The following MAP4 variants were observed in gnomAD, a reference collection of about 807,000 sequenced individuals.
The protein encoded by MAP4 is microtubule-associated protein 4.
Under a neutral mutation model 170.2 loss-of-function variants are expected in MAP4, and 76 were observed. The ratio of observed to expected loss-of-function variants is 0.45; its 90% CI spans 0.37 to 0.54. The LOEUF is 0.54. Among genes scored for constraint, MAP4 ranks in the 20% least tolerant of loss-of-function variants. The pLI, the probability that MAP4 is intolerant of heterozygous loss-of-function variation, is 0.00. For synonymous variants in MAP4, 909 were observed against 994.5 expected (o/e 0.91, Z 1.62); for missense variants, 2,506 against 2,748.0 (o/e 0.91, Z 1.97).
chr3:48,032,860 T>C (rs1198380942), intron 1 of MAP4, among the ~76,000 whole-genome samples: 1 of 152,152 alleles, frequency 6.6e-6, no homozygotes, highest in Admixed American at 6.6e-5. Flanking sequence ...TCGTTAAAGC[T>C]TCAAATCTTA....
chr3:48,047,884 A>G (rs943692423), intron 1 of MAP4, among the ~76,000 whole-genome samples: 4 of 152,222 alleles, frequency 2.6e-5, no homozygotes, highest in African/African-American at 9.6e-5. Flanking sequence ...TTGGTATTTG[A>G]AAAAATGCTG....
intron 10 of MAP4, chr3:47,892,696 A>G (rs1273468410): frequency 7.3e-7 from 1 of 1,372,916 alleles, no homozygotes; most frequent in Non-Finnish European, 9.4e-7. Context: ...AGAATGAATG[A>G]AAGCGAAAGA....
At chr3:48,051,103 C>G (rs576976366) in intron 1 of MAP4, among the ~76,000 whole-genome samples, 5 of 132,906 alleles carry the variant, frequency 3.8e-5, no homozygotes, top group Non-Finnish European at 9.0e-5. Flanking sequence ...CACACACACA[C>G]ACACACACAC....
intron 3 of MAP4, chr3:47,973,217 T>A (rs2100079821): frequency 1.0e-6 from 1 of 981,952 alleles, no homozygotes. Flanking sequence ...TATAAAAACA[T>A]TATTTAAAAA....
At chr3:47,990,999 T>C (rs1197562068) in intron 2 of MAP4, among the ~76,000 whole-genome samples, 2 of 152,128 alleles carry the variant, frequency 1.3e-5, no homozygotes, top group Non-Finnish European at 2.9e-5. Context: ...ACACAGGCAA[T>C]GCTAAGATAA....
At chr3:48,009,693 T>C (rs1241954738) in intron 1 of MAP4, among the ~76,000 whole-genome samples, 1 of 152,072 alleles carries the variant, frequency 6.6e-6, no homozygotes, top group Non-Finnish European at 1.5e-5. Context: ...GTACTGTTTC[T>C]CCCATAGCCA....
chr3:47,911,336 T>C lies in MAP4; in HGVS notation c.3085A>G (p.Ser1029Gly), dbSNP rs1036965945. The C allele has an allele frequency of 6.5e-7, 1 of 1,536,124 alleles. No individual in the cohort carries two copies. Among genetic ancestry groups the C allele is most frequent in the Non-Finnish European group, 8.7e-7 (1 of 1,146,900 alleles). ...TGCAGCTGCTCAGAAGTAAAGATGC[T>C]GATCTCTTGTCTTTCGTTGGGAAAA... The part of the protein sequence containing the change: ...EAFPNERQEI[S>G]IFTSEQLQGQ... Residue 1029 changes from serine (S) to glycine (G), a missense_variant, in exon 9 of 21, where the codon AGC becomes GGC. Around this residue, in one of 3 missense-constraint regions of MAP4, gnomAD observed 2,008 missense variants for 2,206.0 expected, o/e 0.91. Transcript: ENST00000683076. The surrounding 1 kb of genome is among the most constrained non-coding windows in gnomAD (Gnocchi z 4.0).
At chr3:48,046,847 C>A (rs1264911732) in intron 1 of MAP4, among the ~76,000 whole-genome samples, 1 of 152,144 alleles carries the variant, frequency 6.6e-6, no homozygotes, top group Non-Finnish European at 1.5e-5. Flanking sequence ...GTAATCCCAG[C>A]ACTTTGGGAG....
intron 3 of MAP4, among the ~76,000 whole-genome samples, chr3:47,935,574 T>TCAA (rs2100052237): frequency 6.6e-6 from 1 of 152,074 alleles, no homozygotes; most frequent in African/African-American, 2.4e-5. Flanking sequence ...GACTTGTGAT[T>TCAA]CAAGCAGGCC....
rs1396581391 is a variant in MAP4 at position 48,007,983 on chromosome 3, G to GT, written c.-20+8350dup. ...CCTTTTGAGAGTCAGCTCTTGGCCTGTTACTGGGCTTTAGTGGAAATTGAA... is the reference window on the plus strand; with the variant it reads ...CCTTTTGAGAGTCAGCTCTTGGCCTGTTTACTGGGCTTTAGTGGAAATTGAA... On this transcript the variant is annotated intron_variant, in intron 1 of 20. Transcript: ENST00000683076. Among the ~76,000 whole-genome samples the GT allele has an allele frequency of 5.9e-5, 9 of 152,114 alleles. No homozygotes were observed. The East Asian group carries it at 1.7e-3, about 29-fold the overall frequency.
intron 1 of MAP4, among the ~76,000 whole-genome samples, chr3:48,002,909 A>G (rs1257129322): frequency 1.3e-5 from 2 of 151,646 alleles, no homozygotes; most frequent in African/African-American, 2.4e-5. Flanking sequence ...TTTTAAATAA[A>G]TAAGTAAAAA....
At chr3:47,942,091 C>A (rs2100056865) in intron 3 of MAP4, among the ~76,000 whole-genome samples, 1 of 152,130 alleles carries the variant, frequency 6.6e-6, no homozygotes, top group South Asian at 2.1e-4. Context: ...CCTCCTACAG[C>A]CCCGTTCTTC....
intron 10 of MAP4, among the ~76,000 whole-genome samples, chr3:47,879,543 A>G (rs1004249517): frequency 1.3e-5 from 2 of 152,206 alleles, no homozygotes; most frequent in African/African-American, 4.8e-5. Flanking sequence ...TAAATACAGT[A>G]TACTATCAAA....
At chr3:47,936,980 C>CAAA (rs10711611) in intron 3 of MAP4, among the ~76,000 whole-genome samples, 1 of 94,406 alleles carries the variant, frequency 1.1e-5, no homozygotes, top group Non-Finnish European at 2.3e-5. Context: ...AACTCCGTCT[C>CAAA]AAAAAAAAAA....
At chr3:47,944,682 C>G (rs1313073873) in intron 3 of MAP4, among the ~76,000 whole-genome samples, 1 of 151,862 alleles carries the variant, frequency 6.6e-6, no homozygotes, top group Non-Finnish European at 1.5e-5. Context: ...TTTTTCATTC[C>G]TTCTCTCCTC....
chr3:47,871,351 A>T lies in MAP4; in HGVS notation c.5942-65T>A. On this transcript the variant is annotated intron_variant, in intron 13 of 20. Transcript: ENST00000683076. ...TGACCTGTTGGATAGTTCATCCAAT[A>T]GTGAGATTCCTCATTATTTAACAAT... is the stretch of plus-strand genomic sequence containing the variant. 3 of 1,253,598 alleles carry T rather than the reference A, an allele frequency of 2.4e-6. No homozygotes were observed. The South Asian group carries it at 3.6e-5, about 15-fold the overall frequency. The allele number at this position is 1,253,598 out of a possible 1,614,324, so 77.7% of individuals were successfully genotyped here. A position where few individuals can be genotyped will look rare whatever the true frequency, so the allele number is the denominator to read the frequency against.
chr3:48,043,248 G>A (rs547529394), intron 1 of MAP4, among the ~76,000 whole-genome samples: 3 of 152,230 alleles, frequency 2.0e-5, no homozygotes, highest in East Asian at 1.9e-4. Flanking sequence ...TTACAGGCAC[G>A]TGTCGCCATG....
chr3:48,010,659 A>G (rs1267003404), intron 1 of MAP4, among the ~76,000 whole-genome samples: 1 of 152,158 alleles, frequency 6.6e-6, no homozygotes, highest in Admixed American at 6.5e-5. Context: ...TGAAGGATGC[A>G]ATATTGATCC....
rs528959246 is a variant in MAP4 at position 48,086,953 on chromosome 3, A to C, written c.-20+1820T>G. On this transcript the variant is annotated intron_variant, in intron 1 of 18. Coordinates refer to the MAP4 transcript ENST00000360240. The stretch of plus-strand genomic sequence containing the variant: ...GAACTACTATGTGGGGGTTGGAGAG[A>C]CCTTGGTTTGGTTGGATACCATTTT... Among the ~76,000 whole-genome samples the C allele has an allele frequency of 1.3e-4, 20 of 152,248 alleles. No homozygotes were observed. The South Asian group carries it at 4.1e-3, about 32-fold the overall frequency.
Sources: gnomAD v4.1 joint callset for allele counts (sites outside exome capture counted in the v4.1 genomes callset) on GRCh38, gnomAD v4.1.1 for gene constraint, gnomAD v4.1.1 regional missense constraint, Gnocchi (gnomAD v3.1) non-coding constraint, MANE v1.5 for transcripts, NCBI Gene and HGNC (gene_info 2026-07-23, HGNC 2026-07-21) for gene names.